The following WWOX variants were observed in gnomAD, a reference collection of about 807,000 sequenced individuals.
WWOX encodes WW domain containing oxidoreductase, also known as WW domain-containing oxidoreductase.
Under a neutral mutation model 46.2 loss-of-function variants are expected in WWOX, and 69 were observed. The observed-to-expected ratio is 1.49, with a 90% CI of 1.23 to 1.82. The LOEUF (loss-of-function observed/expected upper bound fraction) is 1.82, where lower values mean the gene tolerates loss of function less well. Among genes scored for constraint, WWOX ranks in the 40% most tolerant of loss-of-function variants. The pLI is 0.00. For missense variants in WWOX, 919 were observed against 542.6 expected, an observed-to-expected ratio of 1.69 and a Z score of -6.89; for synonymous variants, 359 against 202.6, an observed-to-expected ratio of 1.77 and a Z score of -6.56.
chr16:78,673,941 T>G, intron 8 of WWOX, among the ~76,000 whole-genome samples: 1 of 152,130 alleles, frequency 6.6e-6, no homozygotes, highest in East Asian at 1.9e-4. Flanking sequence ...GAGGGTGTAT[T>G]ACTGAGCACA....
chr16:78,722,043 C>T (rs1485524256), intron 8 of WWOX, among the ~76,000 whole-genome samples: 2 of 152,198 alleles, frequency 1.3e-5, no homozygotes, highest in Admixed American at 6.5e-5. Context: ...CATATTAATA[C>T]TTGCTTAAAT....
intron 6 of WWOX, among the ~76,000 whole-genome samples, chr16:78,414,731 C>A (rs1219960810): frequency 6.6e-6 from 1 of 152,188 alleles, no homozygotes; most frequent in Non-Finnish European, 1.5e-5. Context: ...CCCTCTCATC[C>A]TAACGTGGTG....
intron 8 of WWOX, among the ~76,000 whole-genome samples, chr16:78,476,958 T>C (rs1597139614): frequency 6.6e-6 from 1 of 152,122 alleles, no homozygotes; most frequent in African/African-American, 2.4e-5. Context: ...CTTTCCTCTT[T>C]TTCACCCTTT....
At chr16:78,252,761 A>G (rs1394449730) in intron 5 of WWOX, among the ~76,000 whole-genome samples, 1 of 152,216 alleles carries the variant, frequency 6.6e-6, no homozygotes, top group Non-Finnish European at 1.5e-5. Context: ...GCTTTGTATT[A>G]TTTATAGGAT....
intron 8 of WWOX, among the ~76,000 whole-genome samples, chr16:78,965,563 C>T (rs1360486693): frequency 8.4e-5 from 12 of 143,604 alleles, no homozygotes; most frequent in Admixed American, 1.4e-4. Flanking sequence ...AGCAAAACTC[C>T]ATCTTAAAAA....
intron 8 of WWOX, among the ~76,000 whole-genome samples, chr16:78,515,525 G>C (rs752916414): frequency 4.6e-5 from 7 of 152,274 alleles, no homozygotes; most frequent in Non-Finnish European, 8.8e-5. Context: ...GAAGAGGTAG[G>C]TGACTTGCAT....
At chr16:78,546,869 G>A (rs373401197) in intron 8 of WWOX, among the ~76,000 whole-genome samples, 3 of 152,152 alleles carry the variant, frequency 2.0e-5, no homozygotes, top group Admixed American at 1.3e-4. Context: ...GCTCATGCCC[G>A]TAATCTTAGC....
At chr16:79,162,564 C>A (rs1287940852) in intron 8 of WWOX, among the ~76,000 whole-genome samples, 3 of 152,162 alleles carry the variant, frequency 2.0e-5, no homozygotes, top group Non-Finnish European at 2.9e-5. Context: ...CACAGGGATA[C>A]CCTTGGGGCG....
chr16:78,287,436 T>A (rs2079787338), intron 5 of WWOX, among the ~76,000 whole-genome samples: 1 of 152,204 alleles, frequency 6.6e-6, no homozygotes, highest in Non-Finnish European at 1.5e-5. Flanking sequence ...ACAAAAAATA[T>A]CTATAATTTT....
At chr16:78,568,538 C>T (rs1014240673) in intron 8 of WWOX, among the ~76,000 whole-genome samples, 1 of 149,926 alleles carries the variant, frequency 6.7e-6, no homozygotes, top group East Asian at 2.0e-4. Context: ...TGCAGTGGCC[C>T]GATCCTGGGT....
At chr16:78,306,232 C>A (rs1395321794) in intron 5 of WWOX, among the ~76,000 whole-genome samples, 1 of 152,042 alleles carries the variant, frequency 6.6e-6, no homozygotes, top group East Asian at 1.9e-4. Context: ...ATTTGGGAAC[C>A]GCATTTATGG....
At chr16:78,935,263 C>T (rs1353828937) in intron 8 of WWOX, among the ~76,000 whole-genome samples, 1 of 152,120 alleles carries the variant, frequency 6.6e-6, no homozygotes, top group East Asian at 1.9e-4. Flanking sequence ...GGTATATACC[C>T]AAAGGATTAT....
intron 5 of WWOX, among the ~76,000 whole-genome samples, chr16:78,321,304 GTATATATA>G (rs1398524716): frequency 1.3e-5 from 1 of 74,432 alleles, no homozygotes; most frequent in Non-Finnish European, 2.8e-5. Flanking sequence ...ATATATATAC[GTATATATA>G]TGCGTATATA....
At chr16:78,591,301 T>C (rs1389023516) in intron 8 of WWOX, among the ~76,000 whole-genome samples, 1 of 152,182 alleles carries the variant, frequency 6.6e-6, no homozygotes, top group Non-Finnish European at 1.5e-5. Flanking sequence ...GGCTGACATC[T>C]CCTTGACCAG....
At chr16:78,718,421 T>C (rs2048618140) in intron 8 of WWOX, among the ~76,000 whole-genome samples, 1 of 152,240 alleles carries the variant, frequency 6.6e-6, no homozygotes, top group South Asian at 2.1e-4. Context: ...TAATGTTTTT[T>C]TGCTCACTTG....
intron 8 of WWOX, among the ~76,000 whole-genome samples, chr16:78,700,308 TAGACAGAGAGAGAG>T (rs1464589683): frequency 8.0e-5 from 8 of 99,420 alleles, no homozygotes; most frequent in African/African-American, 3.4e-4. Flanking sequence ...CCTCACTTAG[TAGACAGAGAGAGAG>T]AGAGAGAGAG....
At chr16:78,507,315 C>T (rs775711197) in intron 8 of WWOX, among the ~76,000 whole-genome samples, 3 of 152,114 alleles carry the variant, frequency 2.0e-5, no homozygotes, top group Non-Finnish European at 2.9e-5. Context: ...GTAAATTGTG[C>T]CTAGGAAACA....
At chr16:78,816,595 T>A (rs770928907) in intron 8 of WWOX, among the ~76,000 whole-genome samples, 20 of 149,338 alleles carry the variant, frequency 1.3e-4, no homozygotes, top group Non-Finnish European at 2.7e-4. Flanking sequence ...AAAATTTTCA[T>A]CTTTTGGGTA....
In WWOX at chr16:78,897,637, A is replaced by T. The variant is rs912561285; in HGVS notation, c.1057-313971A>T. ...ATGAATAAAGCTACCACGAATATTC[A>T]TAAATCCTGTATACATGTTTTTATG... On this transcript the variant is annotated intron_variant, in intron 8 of 8. Coordinates refer to ENST00000566780, the MANE Select transcript of WWOX (RefSeq NM_016373.4). 2.0e-5 allele frequency: 3 copies of T among 152,228 alleles called. No individual in the cohort carries two copies. In the South Asian group the frequency reaches 6.2e-4, roughly 31 times the overall value. 9.4% of individuals were successfully genotyped at this position (152,228 alleles called of 1,614,324 possible). A position where few individuals can be genotyped will look rare whatever the true frequency, so the allele number is the denominator to read the frequency against.
Sources: allele counts gnomAD v4.1 joint callset (sites outside exome capture counted in the v4.1 genomes callset), GRCh38; gene constraint gnomAD v4.1.1; transcripts MANE v1.5; gene names NCBI Gene and HGNC (gene_info 2026-07-23, HGNC 2026-07-21).